Variants in GPC6 observed in about 807,000 individuals in gnomAD.
GPC6 encodes the protein glypican 6, also known as glypican-6.
A neutral mutation model predicts 55.2 loss-of-function variants in GPC6; 14 were observed. The ratio of observed to expected loss-of-function variants is 0.25; its 90% confidence interval spans 0.17 to 0.40. The LOEUF (loss-of-function observed/expected upper bound fraction) is 0.40. Among genes scored for constraint, GPC6 ranks in the 10% least tolerant of loss-of-function variants. The probability of loss-of-function intolerance (pLI) is 1.00; values close to 1 mark genes in which losing one functional copy is unlikely to be tolerated. For synonymous variants in GPC6, 278 were observed against 259.6 expected, an observed-to-expected ratio of 1.07 and a Z score of -0.68; for missense variants, 641 against 708.5, an observed-to-expected ratio of 0.90 and a Z score of 1.08.
chr13:93,699,448 A>C (rs1882594115), intron 2 of GPC6, among the ~76,000 whole-genome samples: 1 of 152,138 alleles, frequency 6.6e-6, no homozygotes, highest in East Asian at 1.9e-4. Flanking sequence ...ACGCTTCTTC[A>C]TCCATGTGAC....
At chr13:94,143,879 ATCT>A (rs1337347319) in intron 4 of GPC6, among the ~76,000 whole-genome samples, 1 of 152,146 alleles carries the variant, frequency 6.6e-6, no homozygotes, top group African/African-American at 2.4e-5. Flanking sequence ...TGACAGTGAG[ATCT>A]TCTCAAAAAT....
At chr13:93,323,463 T>G (rs1879528979) in intron 1 of GPC6, among the ~76,000 whole-genome samples, 1 of 152,164 alleles carries the variant, frequency 6.6e-6, no homozygotes, top group African/African-American at 2.4e-5. Flanking sequence ...AACTTCCACC[T>G]CATTTCTTCA....
At chr13:93,553,838 AAG>A (rs1454992643) in intron 2 of GPC6, among the ~76,000 whole-genome samples, 4 of 151,680 alleles carry the variant, frequency 2.6e-5, no homozygotes, top group African/African-American at 9.7e-5. Context: ...AAGAGATTAA[AAG>A]AGAGAGAGAA....
intron 2 of GPC6, among the ~76,000 whole-genome samples, chr13:93,710,351 G>A (rs979426989): frequency 1.3e-5 from 2 of 151,840 alleles, no homozygotes; most frequent in Middle Eastern, 3.4e-3. Flanking sequence ...AATGACCCAA[G>A]GGTATCTTGG....
chr13:93,754,859 C>T (rs941230222), intron 2 of GPC6, among the ~76,000 whole-genome samples: 2 of 152,138 alleles, frequency 1.3e-5, no homozygotes, highest in Non-Finnish European at 2.9e-5. Context: ...TACTACAAAG[C>T]CTGAGCATGA....
intron 4 of GPC6, among the ~76,000 whole-genome samples, chr13:94,127,267 A>G (rs941077136): frequency 5.3e-5 from 8 of 152,020 alleles, no homozygotes; most frequent in Non-Finnish European, 8.8e-5. Flanking sequence ...GTAATCCCCA[A>G]TGCTGGAGGT....
At chr13:93,939,245 A>T (rs916294721) in intron 3 of GPC6, among the ~76,000 whole-genome samples, 1 of 151,384 alleles carries the variant, frequency 6.6e-6, no homozygotes, top group South Asian at 2.1e-4. Context: ...AAAAAAGAGA[A>T]ATTCTTCTTT....
chr13:94,346,941 A>G (rs1222760497), intron 6 of GPC6, among the ~76,000 whole-genome samples: 1 of 152,170 alleles, frequency 6.6e-6, no homozygotes, highest in Non-Finnish European at 1.5e-5. Context: ...TCAACATCCT[A>G]CACTTTCATC....
At chr13:93,432,832 G>C (rs191814412) in intron 1 of GPC6, among the ~76,000 whole-genome samples, 1 of 151,958 alleles carries the variant, frequency 6.6e-6, no homozygotes, top group Non-Finnish European at 1.5e-5. Flanking sequence ...ATTTCTGAGG[G>C]TGAGGACAGC....
chr13:93,958,992 A>T (rs1879638674), intron 3 of GPC6, among the ~76,000 whole-genome samples: 1 of 152,182 alleles, frequency 6.6e-6, no homozygotes, highest in South Asian at 2.1e-4. Context: ...TTATTGGTAT[A>T]TAGAAATGCT....
At chr13:93,537,549 C>T (rs1190489480) in intron 1 of GPC6, among the ~76,000 whole-genome samples, 1 of 151,774 alleles carries the variant, frequency 6.6e-6, no homozygotes, top group Non-Finnish European at 1.5e-5. Flanking sequence ...TGTGTTTACA[C>T]GTGGAGCTTT....
chr13:94,386,745 A>C (rs1435898591), intron 7 of GPC6, among the ~76,000 whole-genome samples: 1 of 152,240 alleles, frequency 6.6e-6, no homozygotes, highest in Non-Finnish European at 1.5e-5. Flanking sequence ...CCAATAAACC[A>C]GACATTTCTT....
Position 94,398,577 on chromosome 13 carries a change from C to A in GPC6, c.1401C>A (p.Leu467=). The A allele has an allele frequency of 6.2e-7, 1 of 1,614,042 alleles. No homozygotes were observed. Among genetic ancestry groups the A allele is most frequent in the Non-Finnish European group, 8.5e-7 (1 of 1,179,904 alleles). Residue 467 remains leucine (L), a synonymous_variant, in exon 8 of 9, where the codon CTC becomes CTA. Transcript: ENST00000377047. ...DTFIRQQIMA[L]RVMTNKLKNA... The stretch of plus-strand genomic sequence containing the variant: ...TCATCAGACAGCAGATTATGGCTCT[C>A]CGTGTGATGACCAACAAACTAAAAA...
chr13:94,042,883 C>T (rs919482938), intron 4 of GPC6, among the ~76,000 whole-genome samples: 2 of 151,576 alleles, frequency 1.3e-5, no homozygotes, highest in African/African-American at 4.8e-5. Flanking sequence ...ATTCTTCCCC[C>T]GAAAAAGTGG....
intron 1 of GPC6, among the ~76,000 whole-genome samples, chr13:93,536,595 T>G (rs544525974): frequency 5.9e-5 from 9 of 152,316 alleles, no homozygotes; most frequent in African/African-American, 1.9e-4. Context: ...CCATTGTATG[T>G]GTATACTAGA....
chr13:93,267,933 T>A (rs1877380354), intron 1 of GPC6, among the ~76,000 whole-genome samples: 1 of 152,198 alleles, frequency 6.6e-6, no homozygotes. Context: ...TGTAGAGATA[T>A]ATGTTGCTGA....
At chr13:94,348,585 T>A (rs1353500422) in intron 6 of GPC6, among the ~76,000 whole-genome samples, 2 of 152,214 alleles carry the variant, frequency 1.3e-5, no homozygotes, top group African/African-American at 4.8e-5. Context: ...ATTTCTTCCC[T>A]TTCTTCCTAG....
At chr13:94,153,367 A>G (rs1281021037) in intron 4 of GPC6, among the ~76,000 whole-genome samples, 1 of 152,214 alleles carries the variant, frequency 6.6e-6, no homozygotes, top group Admixed American at 6.6e-5. Context: ...GCTCAGTCTT[A>G]ACAAATAAGA....
intron 1 of GPC6, among the ~76,000 whole-genome samples, chr13:93,413,738 G>A (rs572911499): frequency 2.0e-5 from 3 of 151,954 alleles, no homozygotes; most frequent in East Asian, 3.9e-4. Flanking sequence ...TAAATTGATG[G>A]TGTATCTCCT....
Sources: allele counts gnomAD v4.1 joint callset (sites outside exome capture counted in the v4.1 genomes callset), GRCh38; gene constraint gnomAD v4.1.1; transcripts MANE v1.5; gene names NCBI Gene and HGNC (gene_info 2026-07-23, HGNC 2026-07-21).